The following USP15 variants were observed in gnomAD, a reference collection of about 807,000 sequenced individuals.
USP15 encodes ubiquitin specific peptidase 15, also known as ubiquitin carboxyl-terminal hydrolase 15.
In USP15, 18 loss-of-function variants were observed where a neutral mutation model predicts 127.1. The observed-to-expected ratio is 0.14, with a 90% CI of 0.10 to 0.21. The LOEUF is 0.21. USP15 is among the 10% of genes least tolerant of loss of function. USP15 has a pLI of 1.00. For missense variants in USP15, 805 were observed against 1,159.9 expected, an observed-to-expected ratio of 0.69 and a Z score of 4.44; for synonymous variants, 364 against 393.7, an observed-to-expected ratio of 0.92 and a Z score of 0.89.
Position 62,381,649 on chromosome 12 carries a change from C to T in USP15, c.1075C>T (p.Pro359Ser). 6.2e-7 allele frequency: 1 copy of T among 1,610,770 alleles called. No homozygotes were observed. The highest frequency in any genetic ancestry group is 8.5e-7 in the Non-Finnish European group (1 of 1,178,050). ...MWSGKFSYVT[P>S]RAFKTQVGRF... ...GTCTGGAAAGTTTAGCTACGTCACC[C>T]CAAGAGCCTTTAAGGTTAGTGTGGT... The change falls in exon 9 of 22, where the codon CCA becomes TCA. Residue 359 changes from proline (P) to serine (S), a missense_variant. Pro to Ser is a moderately conservative substitution (Grantham distance 74). Around this residue, in one of 11 missense-constraint regions of USP15, gnomAD observed 84 missense variants for 210.3 expected, o/e 0.40. Transcript: ENST00000280377.
At chr12:62,349,166 T>A in intron 6 of USP15, 55 bp from the exon 7 acceptor site, 1 of 1,077,810 alleles carries the variant, frequency 9.3e-7, no homozygotes, top group Non-Finnish European at 1.3e-6. Flanking sequence ...ATTTCATAAT[T>A]AATTTAAAAA....
chr12:62,381,350 C>T, intron 8 of USP15, 140 bp from the exon 9 acceptor site: 2 of 591,438 alleles, frequency 3.4e-6, no homozygotes, highest in Non-Finnish European at 5.4e-6. Context: ...TTTATTTGAC[C>T]AGTTATTAGT....
At chr12:62,392,632 T>C (rs768093166) in intron 18 of USP15, among the ~76,000 whole-genome samples, 13 of 152,166 alleles carry the variant, frequency 8.5e-5, no homozygotes, top group Non-Finnish European at 1.5e-4. Flanking sequence ...TTCATTTTAG[T>C]TACCTTTTTT....
intron 1 of USP15, among the ~76,000 whole-genome samples, chr12:62,274,930 A>T (rs1254395229): frequency 6.6e-6 from 1 of 152,188 alleles, no homozygotes; most frequent in Non-Finnish European, 1.5e-5. Context: ...AGCAGCTATC[A>T]TAGTAATCTA....
At chr12:62,343,625 C>T (rs183563587) in intron 6 of USP15, among the ~76,000 whole-genome samples, 17 of 152,304 alleles carry the variant, frequency 1.1e-4, no homozygotes, top group African/African-American at 4.1e-4. Context: ...CACAGTCCCT[C>T]ATGGCTTCCC....
At chr12:62,350,189 ATCT>A (rs2065927905) in intron 7 of USP15, among the ~76,000 whole-genome samples, 2 of 152,096 alleles carry the variant, frequency 1.3e-5, no homozygotes, top group South Asian at 4.1e-4. Flanking sequence ...TCTAAATGGC[ATCT>A]GATTATCTCA....
chr12:62,355,815 C>CTT (rs775118962), intron 8 of USP15, among the ~76,000 whole-genome samples: 1 of 114,950 alleles, frequency 8.7e-6, no homozygotes, highest in African/African-American at 3.1e-5. Flanking sequence ...GTCTGTTGCA[C>CTT]TTTTTTTTTC....
intron 7 of USP15, among the ~76,000 whole-genome samples, chr12:62,351,085 TA>T (rs1328220041): frequency 6.6e-6 from 1 of 152,130 alleles, no homozygotes; most frequent in African/African-American, 2.4e-5. Flanking sequence ...AGTACTAGAA[TA>T]ATTTTTTCTA....
At chr12:62,269,545 A>G (rs983410332) in intron 1 of USP15, among the ~76,000 whole-genome samples, 1 of 152,048 alleles carries the variant, frequency 6.6e-6, no homozygotes, top group South Asian at 2.1e-4. Context: ...CATCCTCCCA[A>G]TTAGCTAGGA....
chr12:62,287,977 C>T (rs2063832324), intron 1 of USP15, among the ~76,000 whole-genome samples: 1 of 152,090 alleles, frequency 6.6e-6, no homozygotes, highest in African/African-American at 2.4e-5. Context: ...TACCATGCTG[C>T]TTTGGTTACT....
intron 2 of USP15, among the ~76,000 whole-genome samples, chr12:62,299,998 ATTGT>A (rs138370321): frequency 3.2e-3 from 488 of 152,060 alleles, no homozygotes; most frequent in African/African-American, 0.01. Flanking sequence ...TTTTAATAGA[ATTGT>A]TTGTCTTTTT....
At chr12:62,345,163 A>G (rs1043349694) in intron 6 of USP15, among the ~76,000 whole-genome samples, 2 of 152,134 alleles carry the variant, frequency 1.3e-5, no homozygotes, top group Admixed American at 6.5e-5. Flanking sequence ...CTCTGTTCCC[A>G]TTATAAAACT....
At chr12:62,300,288 C>T (rs200655225) in intron 2 of USP15, among the ~76,000 whole-genome samples, 2 of 152,012 alleles carry the variant, frequency 1.3e-5, no homozygotes, top group Non-Finnish European at 2.9e-5. Context: ...TTGGCTGTTA[C>T]ATTTACAGCA....
Position 62,271,280 on chromosome 12 carries a change from TTG to T in USP15, c.89+10780_89+10781del, listed in dbSNP as rs200619482. On this transcript the variant is annotated intron_variant, in intron 1 of 21. Coordinates refer to ENST00000280377, the MANE Select transcript of USP15 (RefSeq NM_001252078.2). ...TTTATGAATAATTATTTATGAGTCTTTGTGGAAATGCAGTTATGCAAGAAAAG... is the reference window on the plus strand; with the variant it reads ...TTTATGAATAATTATTTATGAGTCTTTGGAAATGCAGTTATGCAAGAAAAG... Among the ~76,000 whole-genome samples, 42 of 152,184 alleles carry T rather than the reference TTG, an allele frequency of 2.8e-4. 1 individual carries two copies. The East Asian group carries it at 7.5e-3, about 27-fold the overall frequency.
chr12:62,264,046 T>C (rs889378839), intron 1 of USP15, among the ~76,000 whole-genome samples: 1 of 152,186 alleles, frequency 6.6e-6, no homozygotes, highest in Non-Finnish European at 1.5e-5. Context: ...TAGAGTACAG[T>C]GCGTGGTCTC....
chr12:62,304,845 A>G (rs74373092), intron 3 of USP15: 3 of 275,962 alleles, frequency 1.1e-5, no homozygotes, highest in South Asian at 6.7e-5. Context: ...AAAAAAAAAA[A>G]GGCAGATGAG....
At chr12:62,363,867 G>T (rs2066393214) in intron 8 of USP15, among the ~76,000 whole-genome samples, 3 of 152,240 alleles carry the variant, frequency 2.0e-5, no homozygotes, top group Non-Finnish European at 4.4e-5. Context: ...ATATCATAAT[G>T]ATAGATGTAA....
At chr12:62,397,481 C>T (rs1414341695) in intron 20 of USP15, among the ~76,000 whole-genome samples, 1 of 151,982 alleles carries the variant, frequency 6.6e-6, no homozygotes, top group Non-Finnish European at 1.5e-5. Context: ...TTAGGTTTTT[C>T]AATTTATTTA....
chr12:62,260,984 C>G (rs1366074524), intron 1 of USP15, among the ~76,000 whole-genome samples: 3 of 152,108 alleles, frequency 2.0e-5, no homozygotes, highest in Non-Finnish European at 4.4e-5. Context: ...GGGAGGCAGG[C>G]TGCAGGATGT....
Sources: gnomAD v4.1 joint callset for allele counts (sites outside exome capture counted in the v4.1 genomes callset) on GRCh38, gnomAD v4.1.1 for gene constraint, gnomAD v4.1.1 regional missense constraint, MANE v1.5 for transcripts, NCBI Gene and HGNC (gene_info 2026-07-23, HGNC 2026-07-21) for gene names.